The following MSRA variants were observed in gnomAD, a reference collection of about 807,000 sequenced individuals.
The protein encoded by MSRA is methionine sulfoxide reductase A, also known as mitochondrial peptide methionine sulfoxide reductase.
Under a neutral mutation model 31.3 loss-of-function variants are expected in MSRA, and 54 were observed. The observed-to-expected ratio is 1.73, with a 90% CI of 1.39 to 2.17. The LOEUF is 2.17. Among genes scored for constraint, MSRA ranks in the 30% most tolerant of loss-of-function variants. MSRA has a pLI of 0.00. For synonymous variants in MSRA, 169 were observed against 116.5 expected (o/e 1.45, Z -2.90); for missense variants, 507 against 300.9 (o/e 1.69, Z -5.07).
At chr8:10,385,720 G>C (rs1423163787) in intron 5 of MSRA, among the ~76,000 whole-genome samples, 1 of 151,938 alleles carries the variant, frequency 6.6e-6, no homozygotes, top group Non-Finnish European at 1.5e-5. Context: ...CCAGGGCGGA[G>C]GTGGAAGAGC....
chr8:10,226,168 G>A (rs900610736), intron 2 of MSRA, among the ~76,000 whole-genome samples: 8 of 152,194 alleles, frequency 5.3e-5, no homozygotes, highest in African/African-American at 1.7e-4. Flanking sequence ...GGTGACTATA[G>A]GGGAGGGGTC....
At chr8:10,200,694 A>G (rs1490916559) in intron 1 of MSRA, among the ~76,000 whole-genome samples, 1 of 152,140 alleles carries the variant, frequency 6.6e-6, no homozygotes, top group Non-Finnish European at 1.5e-5. Flanking sequence ...CATATAGAAC[A>G]TGCTGCTATT....
At chr8:10,366,106 G>C (rs189734393) in intron 5 of MSRA, among the ~76,000 whole-genome samples, 2 of 152,354 alleles carry the variant, frequency 1.3e-5, no homozygotes, top group African/African-American at 4.8e-5. Context: ...CTTGTGGCCT[G>C]TCGAAAGGGA....
intron 1 of MSRA, among the ~76,000 whole-genome samples, chr8:10,074,575 A>G (rs1273412909): frequency 1.3e-5 from 2 of 152,202 alleles, no homozygotes; most frequent in East Asian, 3.8e-4. Flanking sequence ...CTGCATCTCT[A>G]CATTCACATT....
At chr8:10,364,253 G>C (rs528685687) in intron 5 of MSRA, among the ~76,000 whole-genome samples, 1 of 152,270 alleles carries the variant, frequency 6.6e-6, no homozygotes, top group South Asian at 2.1e-4. Context: ...TGGTGCTTTG[G>C]ATTTGGTTAG....
chr8:10,300,412 C>G (rs549611424), intron 3 of MSRA, among the ~76,000 whole-genome samples: 98 of 152,214 alleles, frequency 6.4e-4, no homozygotes, highest in Admixed American at 1.6e-3. Context: ...CCCACCACCA[C>G]GCCTGGCTAA....
chr8:10,347,986 G>C (rs1048697923), intron 5 of MSRA, among the ~76,000 whole-genome samples: 6 of 152,108 alleles, frequency 3.9e-5, no homozygotes, highest in African/African-American at 1.4e-4. Context: ...CACCCTAGCT[G>C]GTCTTTGCCA....
intron 1 of MSRA, among the ~76,000 whole-genome samples, chr8:10,142,349 A>ACTCCC (rs1464254611): frequency 5.6e-4 from 85 of 152,298 alleles, no homozygotes; most frequent in African/African-American, 1.9e-3. Flanking sequence ...GAGGAAACCA[A>ACTCCC]GACCCAGAGG....
chr8:10,113,890 A>G (rs1221847713), intron 1 of MSRA, among the ~76,000 whole-genome samples: 1 of 152,178 alleles, frequency 6.6e-6, no homozygotes, highest in African/African-American at 2.4e-5. Flanking sequence ...TTGTGTGGCC[A>G]TCACCACTGT....
At chr8:10,114,585 C>T (rs1177734211) in intron 1 of MSRA, among the ~76,000 whole-genome samples, 4 of 152,238 alleles carry the variant, frequency 2.6e-5, no homozygotes, top group Non-Finnish European at 5.9e-5. Flanking sequence ...ATTGAAGATG[C>T]ACTTAGATTG....
chr8:10,134,430 C>T (rs1585224607), intron 1 of MSRA, among the ~76,000 whole-genome samples: 1 of 152,224 alleles, frequency 6.6e-6, no homozygotes, highest in East Asian at 1.9e-4. Flanking sequence ...TTAGCTGCTT[C>T]GCAATGGGGG....
At chr8:10,168,764 C>G (rs1805357866) in intron 1 of MSRA, among the ~76,000 whole-genome samples, 1 of 152,194 alleles carries the variant, frequency 6.6e-6, no homozygotes, top group Non-Finnish European at 1.5e-5. Flanking sequence ...CCCATCCTTG[C>G]AGGAATCCTT....
In MSRA at chr8:10,331,612, G is replaced by T. The variant is rs550955189; in HGVS notation, c.543+11623G>T. 2.7e-4 allele frequency among the ~76,000 whole-genome samples: 41 copies of T among 152,292 alleles called. No individual in the cohort carries two copies. The South Asian group carries it at 8.5e-3, about 32-fold the overall frequency. ...ATTCCATAAGCTTTTCACCCATGCTGTGTGGCGATACATGCTAATCTTTCA... is the reference window on the plus strand; with the variant it reads ...ATTCCATAAGCTTTTCACCCATGCTTTGTGGCGATACATGCTAATCTTTCA... On this transcript the variant is annotated intron_variant, in intron 5 of 5. Transcript: ENST00000317173.
intron 1 of MSRA, among the ~76,000 whole-genome samples, chr8:10,200,147 G>C (rs1460046999): frequency 6.6e-6 from 1 of 152,246 alleles, no homozygotes; most frequent in Non-Finnish European, 1.5e-5. Flanking sequence ...GCCGGGAGGT[G>C]TATCTCCGTT....
intron 3 of MSRA, among the ~76,000 whole-genome samples, chr8:10,268,452 G>T (rs1311716440): frequency 6.6e-6 from 1 of 152,194 alleles, no homozygotes; most frequent in African/African-American, 2.4e-5. Context: ...CTACTCCCGA[G>T]GTTAGGGTGG....
At chr8:10,060,680 C>G (rs1311819210) in intron 1 of MSRA, among the ~76,000 whole-genome samples, 2 of 146,574 alleles carry the variant, frequency 1.4e-5, no homozygotes, top group Non-Finnish European at 1.5e-5. Flanking sequence ...TCAAGTACAT[C>G]TTTTTTCTGC....
chr8:10,392,605 T>A (rs1384583474), intron 5 of MSRA, among the ~76,000 whole-genome samples: 1 of 151,916 alleles, frequency 6.6e-6, no homozygotes. Context: ...TTAAACCGAA[T>A]CTGGTGGTAA....
intron 5 of MSRA, among the ~76,000 whole-genome samples, chr8:10,351,775 G>A (rs1313739860): frequency 2.0e-5 from 3 of 152,202 alleles, no homozygotes; most frequent in Non-Finnish European, 2.9e-5. Flanking sequence ...CATGTTCACC[G>A]AAGTCACCTG....
chr8:10,158,015 C>T (rs954764664), intron 1 of MSRA, among the ~76,000 whole-genome samples: 1 of 152,272 alleles, frequency 6.6e-6, no homozygotes, highest in Non-Finnish European at 1.5e-5. Flanking sequence ...GGTGGAAAGT[C>T]CAAGATCAAG....
Sources: allele counts gnomAD v4.1 joint callset (sites outside exome capture counted in the v4.1 genomes callset), GRCh38; gene constraint gnomAD v4.1.1; transcripts MANE v1.5; gene names NCBI Gene and HGNC (gene_info 2026-07-23, HGNC 2026-07-21).